LDLRAD4: variants seen among roughly 807,000 people sequenced by gnomAD.
LDLRAD4 encodes low density lipoprotein receptor class A domain containing 4.
LDLRAD4 carries 5 observed loss-of-function variants against 17.0 expected under a neutral mutation model. The observed-to-expected ratio is 0.29, with a 90% CI of 0.15 to 0.62. The LOEUF is 0.62. LDLRAD4 is among the 20% of genes least tolerant of loss of function. The pLI is 0.84. For synonymous variants in LDLRAD4, 168 were observed against 171.8 expected (o/e 0.98, Z 0.17); for missense variants, 340 against 424.7 (o/e 0.80, Z 1.75).
upstream of LDLRAD4, among the ~76,000 whole-genome samples, chr18:13,274,297 T>C (rs766590184): frequency 6.6e-6 from 1 of 152,216 alleles, no homozygotes; most frequent in Non-Finnish European, 1.5e-5. Context: ...GTCTTTGTGC[T>C]GTAACCTGGA....
intron 3 of LDLRAD4, among the ~76,000 whole-genome samples, chr18:13,451,309 G>A (rs185675524): frequency 1.2e-4 from 18 of 152,288 alleles, no homozygotes; most frequent in East Asian, 3.9e-4. Flanking sequence ...TCATGGGGAC[G>A]GATTCCTTGT....
intron 1 of LDLRAD4, among the ~76,000 whole-genome samples, chr18:13,346,947 T>G (rs1167428449): frequency 6.6e-6 from 1 of 152,226 alleles, no homozygotes; most frequent in African/African-American, 2.4e-5. Flanking sequence ...CATCCCTTTA[T>G]TTTGAGCCTA....
chr18:13,612,664 G>A (rs1371890478), intron 3 of LDLRAD4: 1 of 1,613,586 alleles, frequency 6.2e-7, no homozygotes, highest in Admixed American at 1.7e-5. Context: ...ACGTGGGGGG[G>A]CTGCGTCACA....
chr18:13,372,842 G>A (rs1360306199), intron 1 of LDLRAD4, among the ~76,000 whole-genome samples: 2 of 152,152 alleles, frequency 1.3e-5, no homozygotes, highest in Non-Finnish European at 2.9e-5. Flanking sequence ...TTGGGGCTGC[G>A]TCCCTGTCTT....
intron 3 of LDLRAD4, among the ~76,000 whole-genome samples, chr18:13,481,306 A>G (rs2093076396): frequency 6.6e-6 from 1 of 152,178 alleles, no homozygotes; most frequent in Non-Finnish European, 1.5e-5. Context: ...TGAGGCAGAC[A>G]CTTCCCTCTC....
intron 4 of LDLRAD4, among the ~76,000 whole-genome samples, chr18:13,632,408 A>G (rs576965628): frequency 6.6e-6 from 1 of 152,376 alleles, no homozygotes; most frequent in East Asian, 1.9e-4. Flanking sequence ...TTGCTGCAGC[A>G]GGGCAGGCAG....
chr18:13,427,972 A>G (rs1383668830), intron 2 of LDLRAD4, among the ~76,000 whole-genome samples: 1 of 152,168 alleles, frequency 6.6e-6, no homozygotes, highest in Non-Finnish European at 1.5e-5. Flanking sequence ...TTTTACATCT[A>G]TTCATTGATT....
chr18:13,258,049 A>AAAAG (rs746432235), intron 1 of LDLRAD4, among the ~76,000 whole-genome samples: 15 of 152,236 alleles, frequency 9.9e-5, no homozygotes, highest in Admixed American at 7.9e-4. Flanking sequence ...ACCCTATCTT[A>AAAAG]AAAGAAAGAA....
At chr18:13,550,927 G>A (rs910885897) in intron 3 of LDLRAD4, among the ~76,000 whole-genome samples, 5 of 152,078 alleles carry the variant, frequency 3.3e-5, no homozygotes, top group Non-Finnish European at 5.9e-5. Flanking sequence ...GTCACCGTGG[G>A]CAGAGATGGC....
At chr18:13,315,109 G>T (rs1269917962) in intron 1 of LDLRAD4, among the ~76,000 whole-genome samples, 1 of 152,124 alleles carries the variant, frequency 6.6e-6, no homozygotes, top group African/African-American at 2.4e-5. Flanking sequence ...TTCCTGTTAG[G>T]TCCTGACCCC....
chr18:13,468,442 C>T (rs928732972), intron 3 of LDLRAD4, among the ~76,000 whole-genome samples: 3 of 152,116 alleles, frequency 2.0e-5, no homozygotes, highest in East Asian at 3.9e-4. Flanking sequence ...GTCAGTGTGG[C>T]GATTCCTCAA....
chr18:13,496,292 G>A (rs1286743329), intron 3 of LDLRAD4, among the ~76,000 whole-genome samples: 1 of 152,178 alleles, frequency 6.6e-6, no homozygotes, highest in South Asian at 2.1e-4. Flanking sequence ...TTAAAAATGT[G>A]GCGGCCTTAC....
chr18:13,395,699 AGCTG>A (rs1457300416), intron 2 of LDLRAD4, among the ~76,000 whole-genome samples: 1 of 43,084 alleles, frequency 2.3e-5, no homozygotes, highest in East Asian at 8.9e-4. Context: ...TTGGGTGGGG[AGCTG>A]GCGTGGGGGC....
chr18:13,603,089 A>G (rs897590896), intron 3 of LDLRAD4, among the ~76,000 whole-genome samples: 3 of 152,136 alleles, frequency 2.0e-5, no homozygotes, highest in Admixed American at 6.5e-5. Flanking sequence ...ACCTTTTTAT[A>G]CTCTATTACA....
At chr18:13,633,622 T>G (rs552429592) in intron 4 of LDLRAD4, among the ~76,000 whole-genome samples, 42 of 152,290 alleles carry the variant, frequency 2.8e-4, no homozygotes, top group Middle Eastern at 3.4e-3. Flanking sequence ...CCTGGCCAAA[T>G]TGTGACACAC....
intron 5 of LDLRAD4, chr18:13,644,744 G>T (rs2042917174): frequency 1.0e-5 from 2 of 196,424 alleles, no homozygotes; most frequent in South Asian, 2.6e-4. Flanking sequence ...TGTCACTGGT[G>T]ACCAGATCCA....
At chr18:13,288,059 G>A (rs1238306562) in intron 1 of LDLRAD4, among the ~76,000 whole-genome samples, 1 of 152,204 alleles carries the variant, frequency 6.6e-6, no homozygotes, top group Non-Finnish European at 1.5e-5. Context: ...CCGTGAAGAA[G>A]GTGGAATGGG....
chr18:13,218,737 C>G (rs1244132038), upstream of LDLRAD4: 1 of 152,288 alleles, frequency 6.6e-6, no homozygotes, highest in Non-Finnish European at 1.5e-5. Context: ...CCGGAGCTCC[C>G]GGCATTGGCT....
At chr18:13,639,430 C>A (rs2148953558) in intron 4 of LDLRAD4, among the ~76,000 whole-genome samples, 1 of 152,368 alleles carries the variant, frequency 6.6e-6, no homozygotes, top group East Asian at 1.9e-4. Context: ...GGAGCAGGAG[C>A]CAGCAGGCTT....
Sources: gnomAD v4.1 joint callset for allele counts (sites outside exome capture counted in the v4.1 genomes callset) on GRCh38, gnomAD v4.1.1 for gene constraint, MANE v1.5 for transcripts, NCBI Gene and HGNC (gene_info 2026-07-23, HGNC 2026-07-21) for gene names.